VWDE: variants seen among roughly 807,000 people sequenced by gnomAD.
VWDE encodes von Willebrand factor D and EGF domains, also known as von Willebrand factor D and EGF domain-containing protein.
In VWDE, 207 loss-of-function variants were observed where a neutral mutation model predicts 178.4. The observed-to-expected ratio is 1.16, with a 90% CI of 1.04 to 1.30. VWDE has a LOEUF of 1.30. Among genes scored for constraint, VWDE ranks in the 50% most tolerant of loss-of-function variants. The probability of loss-of-function intolerance (pLI) is 0.00; values close to 1 mark genes in which losing one functional copy is unlikely to be tolerated. For synonymous variants in VWDE, 738 were observed against 651.4 expected (o/e 1.13, Z -2.02); for missense variants, 2,287 against 1,901.3 (o/e 1.20, Z -3.77).
At chr7:12,343,965 T>C (rs1781463288) in intron 21 of VWDE, among the ~76,000 whole-genome samples, 1 of 152,090 alleles carries the variant, frequency 6.6e-6, no homozygotes, top group Non-Finnish European at 1.5e-5. Context: ...ATTTTACCAA[T>C]AACAAATAAG....
chr7:12,389,594 C>T (rs935745049), intron 2 of VWDE, among the ~76,000 whole-genome samples: 1 of 152,088 alleles, frequency 6.6e-6, no homozygotes, highest in African/African-American at 2.4e-5. Flanking sequence ...AATATTAATA[C>T]ATTTATTCCA....
rs1782316982 is a variant in VWDE, at chr7:12,357,454, G to A, written c.3336C>T (p.Asn1112=). Residue 1112 remains asparagine, a synonymous_variant, in exon 17 of 29, where the codon AAC becomes AAT. Transcript: ENST00000275358. The part of the protein sequence containing the change: ...QDKLQTFYGE[N]FEYQFVAFDP... The stretch of plus-strand genomic sequence containing the variant: ...CGAAGGCCACGAACTGATACTCAAA[G>A]TTTTCACCATAAAATGTCTGTAATT... 3 of 1,551,908 alleles carry A rather than the reference G, an allele frequency of 1.9e-6. No homozygotes were observed. The highest frequency in any genetic ancestry group is 1.4e-5 in the African/African-American group (1 of 73,018).
chr7:12,383,571 C>G lies in VWDE; in HGVS notation c.506G>C (p.Gly169Ala). ...AISDARLHPCGSDETETGGDC... is the reference protein window; with the variant it reads ...AISDARLHPCASDETETGGDC... ...ACCTCCTGTTTCAGTTTCATCAGAA[C>G]CACATGGGTGTAATCGTGCATCAGA... The change falls in exon 4 of 29, where the codon GGT (glycine) becomes GCT (alanine). Residue 169 changes from glycine to alanine, a missense_variant. Coordinates refer to ENST00000275358, the MANE Select transcript of VWDE (RefSeq NM_001135924.3). 1.3e-6 allele frequency: 2 copies of G among 1,550,514 alleles called. No individual in the cohort carries two copies. Among genetic ancestry groups the G allele is most frequent in the Non-Finnish European group, 1.7e-6 (2 of 1,145,990 alleles).
chr7:12,394,674 G>T (rs1784544948), intron 1 of VWDE, among the ~76,000 whole-genome samples: 1 of 152,082 alleles, frequency 6.6e-6, no homozygotes, highest in Non-Finnish European at 1.5e-5. Context: ...TTGAATACCA[G>T]AGTATCTTGT....
Position 12,356,296 on chromosome 7 carries a change from C to G in VWDE, c.3560G>C (p.Gly1187Ala). The change falls in exon 18 of 29, where the codon GGA becomes GCA. Residue 1187 changes from glycine to alanine, a missense_variant. Physicochemically the swap from Gly to Ala is moderately conservative, Grantham distance 60. Coordinates refer to ENST00000275358, the MANE Select transcript of VWDE (RefSeq NM_001135924.3). Reference protein sequence around the residue: ...TVKSCDCLNGGSCVSDRNFSP... With the variant: ...TVKSCDCLNGASCVSDRNFSP... ...AAAGTTCCTATCAGATACACATGATCCACCATTCAAGCAATCACAAGACTT... is the reference window on the plus strand; with the variant it reads ...AAAGTTCCTATCAGATACACATGATGCACCATTCAAGCAATCACAAGACTT... 6.4e-7 allele frequency: 1 copy of G among 1,551,338 alleles called. No individual in the cohort carries two copies. The highest frequency in any genetic ancestry group is 8.7e-7 in the Non-Finnish European group (1 of 1,146,876).
At chr7:12,342,011 A>C in intron 23 of VWDE, 48 bp downstream of exon 23, 1 of 1,461,912 alleles carries the variant, frequency 6.8e-7, no homozygotes, top group South Asian at 1.2e-5. Flanking sequence ...ACATTGGCAT[A>C]TTTTAACTTT....
intron 16 of VWDE, among the ~76,000 whole-genome samples, chr7:12,357,759 C>T (rs553675356): frequency 1.3e-5 from 2 of 152,084 alleles, no homozygotes; most frequent in Non-Finnish European, 2.9e-5. Flanking sequence ...ACTTTGGATA[C>T]AGCACAGAAT....
rs1168141036 is a variant in VWDE at position 12,337,168 on chromosome 7, A to G, written c.4462+9T>C. 1 of 1,551,416 alleles carries G rather than the reference A, an allele frequency of 6.4e-7. No individual in the cohort carries two copies. On this transcript the variant is annotated intron_variant, in intron 25 of 28. Transcript: ENST00000275358. The stretch of plus-strand genomic sequence containing the variant: ...CTGTAGTTGACAAATACATTTAGTG[A>G]TGTCTTACTTTTTTGGAATCTCCTA...
intron 18 of VWDE, among the ~76,000 whole-genome samples, chr7:12,355,519 TTAAC>T (rs1413842697): frequency 9.9e-5 from 15 of 152,148 alleles, no homozygotes; most frequent in East Asian, 1.9e-4. Context: ...TATCAGCTCA[TTAAC>T]TATATATTTA....
At position 12,333,067 on chromosome 7, in the gene VWDE, T is replaced by C. The variant is rs77500174; in HGVS notation, c.4758+398A>G. 1.4e-3 allele frequency among the ~76,000 whole-genome samples: 208 copies of C among 152,268 alleles called. 1 individual carries two copies. Among genetic ancestry groups the C allele is most frequent in the African/African-American group, 4.7e-3 (196 of 41,556 alleles). On this transcript the variant is annotated intron_variant, in intron 28 of 28. Transcript: ENST00000275358. ...CATCTCGGCTGTTGATATTTGGAAA[T>C]TTAAGATTAGAGACAAAACACAATG...
chr7:12,348,790 G>A (rs868451222), intron 19 of VWDE, among the ~76,000 whole-genome samples: 144 of 150,882 alleles, frequency 9.5e-4, no homozygotes, highest in African/African-American at 3.4e-3. Flanking sequence ...TGTTTATTGT[G>A]GCATTATTCA....
In VWDE at chr7:12,370,039, T is replaced by A. The variant is rs944157014; in HGVS notation, c.2267A>T (p.His756Leu). The A allele has an allele frequency of 2.6e-6, 4 of 1,551,558 alleles. No individual in the cohort carries two copies. In the Admixed American group the frequency reaches 7.8e-5, roughly 30 times the overall value. Residue 756 changes from histidine to leucine, a missense_variant, in exon 12 of 29, where the codon CAT becomes CTT. His to Leu is a moderately conservative substitution (Grantham distance 99). Transcript: ENST00000275358. ...GAAAGCAAACAAAGGAGGAAACTCATGAAAGTTCTGCCGTTTCCATCTGTT... is the reference window on the plus strand; with the variant it reads ...GAAAGCAAACAAAGGAGGAAACTCAAGAAAGTTCTGCCGTTTCCATCTGTT... ...RQNRWKRQNF[H>L]EFPPLFAFPS...
intron 6 of VWDE, 118 bp downstream of exon 6, chr7:12,379,359 G>T: frequency 3.4e-6 from 2 of 585,932 alleles, no homozygotes; most frequent in Non-Finnish European, 5.4e-6. Context: ...GGACTCATGG[G>T]TCTCAACATT....
At chr7:12,376,837 C>T (rs1783555492) in intron 7 of VWDE, among the ~76,000 whole-genome samples, 1 of 152,006 alleles carries the variant, frequency 6.6e-6, no homozygotes, top group Non-Finnish European at 1.5e-5. Context: ...CTCTTAATTC[C>T]TCTATCTCTT....
chr7:12,343,220 T>A (rs1418662673), intron 21 of VWDE, 42 bp from the exon 22 acceptor site: 13 of 1,426,012 alleles, frequency 9.1e-6, no homozygotes, highest in Non-Finnish European at 1.2e-5. Context: ...TCTTAATTTT[T>A]AAAAAGTCAG....
intron 23 of VWDE, 92 bp downstream of exon 23, chr7:12,341,967 T>C: frequency 2.1e-6 from 2 of 954,972 alleles, no homozygotes; most frequent in South Asian, 3.1e-5. Context: ...TCTTGTCAGG[T>C]CAGTTTTATG....
In VWDE at chr7:12,370,137, T is replaced by C. The variant is rs1457585790; in HGVS notation, c.2169A>G (p.Leu723=). Reference sequence around the variant, plus strand: ...TATATTTCTTATTGGCCAAATATTGTAGTGAATCTTCTTTCTCATTTCCAG... The same window carrying C: ...TATATTTCTTATTGGCCAAATATTGCAGTGAATCTTCTTTCTCATTTCCAG... ...KHPGNEKEDS[L]QYLANKKYTQ... Residue 723 remains leucine (L), a synonymous_variant, in exon 12 of 29, where the codon CTA becomes CTG. Coordinates refer to ENST00000275358, the MANE Select transcript of VWDE (RefSeq NM_001135924.3). The C allele has an allele frequency of 6.4e-7, 1 of 1,551,448 alleles. No individual in the cohort carries two copies. The highest frequency in any genetic ancestry group is 8.7e-7 in the Non-Finnish European group (1 of 1,146,904).
rs1347887023 is a variant in VWDE, at chr7:12,374,999, A to G, written c.1242+11T>C. Reference sequence around the variant, plus strand: ...GCTTCACTTGCAGTATTAGTGTTGTAATTTGTCAACCTGGATGCTGTCTGG... The same window carrying G: ...GCTTCACTTGCAGTATTAGTGTTGTGATTTGTCAACCTGGATGCTGTCTGG... On this transcript the variant is annotated intron_variant, in intron 8 of 28. Coordinates refer to ENST00000275358, the MANE Select transcript of VWDE (RefSeq NM_001135924.3). The G allele has an allele frequency of 1.3e-6, 2 of 1,549,084 alleles. No homozygotes were observed. Among genetic ancestry groups the G allele is most frequent in the Non-Finnish European group, 1.7e-6 (2 of 1,144,912 alleles).
intron 16 of VWDE, 59 bp downstream of exon 16, chr7:12,359,519 A>C: frequency 8.1e-7 from 1 of 1,240,648 alleles, no homozygotes; most frequent in Non-Finnish European, 1.1e-6. Flanking sequence ...CTTCTGGCTG[A>C]AAACCACTTT....
Sources: allele counts gnomAD v4.1 joint callset (sites outside exome capture counted in the v4.1 genomes callset), GRCh38; gene constraint gnomAD v4.1.1; transcripts MANE v1.5; gene names NCBI Gene and HGNC (gene_info 2026-07-23, HGNC 2026-07-21).